STRN3: variants seen among roughly 807,000 people sequenced by gnomAD.
STRN3 encodes striatin-3.
A neutral mutation model predicts 95.6 loss-of-function variants in STRN3; 29 were observed. The ratio of observed to expected loss-of-function variants is 0.30; its 90% CI spans 0.23 to 0.41. The LOEUF (loss-of-function observed/expected upper bound fraction) is 0.41, where lower values mean the gene tolerates loss of function less well. STRN3 is among the 10% of genes least tolerant of loss of function. The pLI, the probability that STRN3 is intolerant of heterozygous loss-of-function variation, is 1.00. For missense variants in STRN3, 890 were observed against 972.1 expected, an observed-to-expected ratio of 0.92 and a Z score of 1.12; for synonymous variants, 331 against 357.6, an observed-to-expected ratio of 0.93 and a Z score of 0.84.
chr14:30,950,843 G>GA lies in STRN3; in HGVS notation c.542+19dup, dbSNP rs759335884. ...CATACCTAGATCCTTAAAGAAGGTT[G>GA]AAAATAAGTAATTACTCACTGTCTT... is the stretch of plus-strand genomic sequence containing the variant. On this transcript the variant is annotated intron_variant, in intron 4 of 17. Transcript: ENST00000357479. 5 of 1,608,532 alleles carry GA rather than the reference G, an allele frequency of 3.1e-6. No individual in the cohort carries two copies. The highest frequency in any genetic ancestry group is 4.3e-6 in the Non-Finnish European group (5 of 1,176,274).
intron 1 of STRN3, among the ~76,000 whole-genome samples, chr14:31,021,296 A>T (rs1345400104): frequency 2.0e-5 from 3 of 152,232 alleles, no homozygotes; most frequent in Non-Finnish European, 4.4e-5. Flanking sequence ...CTCTACAGGC[A>T]GTCTAAGTTT....
chr14:30,904,961 TAAAA>T (rs374512182), intron 15 of STRN3, among the ~76,000 whole-genome samples: 1 of 126,058 alleles, frequency 7.9e-6, no homozygotes. Flanking sequence ...TTTCGTCAAT[TAAAA>T]AAAAAAAAAA....
chr14:30,931,023 T>G (rs1878510063), intron 7 of STRN3, among the ~76,000 whole-genome samples: 1 of 152,084 alleles, frequency 6.6e-6, no homozygotes, highest in Non-Finnish European at 1.5e-5. Flanking sequence ...AAAAGACCTG[T>G]GTAGAGAGAA....
chr14:31,026,140 C>T lies in STRN3; in HGVS notation c.46G>A (p.Ala16Thr), dbSNP rs2281563. 172,061 of 1,491,082 alleles carry T rather than the reference C, an allele frequency of 0.12. 11,128 individuals are homozygous for T. The highest frequency in any genetic ancestry group is 0.24 in the East Asian group (8,391 of 35,284). 92.4% of individuals were successfully genotyped at this position (1,491,082 alleles called of 1,614,324 possible). A position where few individuals can be genotyped will look rare whatever the true frequency, so the allele number is the denominator to read the frequency against. Residue 16 changes from alanine to threonine, a missense_variant, in exon 1 of 18, where the codon GCC (alanine) becomes ACC (threonine). Ala to Thr is a moderately conservative substitution (Grantham distance 58). Transcript: ENST00000357479. Reference sequence around the variant, plus strand: ...GGTCCCTGCTGCTGCCGGGGAGGGGCCGCCATCCCCGGGCCGCCACCACCG... The same window carrying T: ...GGTCCCTGCTGCTGCCGGGGAGGGGTCGCCATCCCCGGGCCGCCACCACCG... ...GGGGGGPGMAAPPRQQQGPGG... is the reference protein window; with the variant it reads ...GGGGGGPGMATPPRQQQGPGG...
chr14:30,985,729 G>A (rs1047288081), intron 1 of STRN3, among the ~76,000 whole-genome samples: 1 of 152,024 alleles, frequency 6.6e-6, no homozygotes, highest in Non-Finnish European at 1.5e-5. Flanking sequence ...ATCCATGTTT[G>A]ACTTATGTTT....
chr14:30,988,495 C>T (rs770457913), intron 1 of STRN3, among the ~76,000 whole-genome samples: 3 of 152,064 alleles, frequency 2.0e-5, no homozygotes, highest in Non-Finnish European at 4.4e-5. Flanking sequence ...CTGAGCCCAA[C>T]TACAACAAAA....
intron 1 of STRN3, among the ~76,000 whole-genome samples, chr14:30,990,716 C>T (rs1383681335): frequency 4.6e-5 from 7 of 152,088 alleles, no homozygotes. Flanking sequence ...ATGCTCAAGC[C>T]CTTTATATAA....
At chr14:30,980,174 G>A (rs897654877) in intron 1 of STRN3, among the ~76,000 whole-genome samples, 7 of 151,942 alleles carry the variant, frequency 4.6e-5, no homozygotes, top group Non-Finnish European at 1.0e-4. Flanking sequence ...GAGCCCAAGA[G>A]GCGGAGGCTG....
At chr14:30,919,600 C>T (rs1315550263) in intron 8 of STRN3, among the ~76,000 whole-genome samples, 1 of 152,038 alleles carries the variant, frequency 6.6e-6, no homozygotes, top group Non-Finnish European at 1.5e-5. Flanking sequence ...TTAACTTTAC[C>T]TGGTGTTTCC....
At chr14:30,931,402 A>G (rs1056522101) in intron 7 of STRN3, among the ~76,000 whole-genome samples, 1 of 152,214 alleles carries the variant, frequency 6.6e-6, no homozygotes, top group Non-Finnish European at 1.5e-5. Context: ...AAAAGAAAAC[A>G]CAAATATGCG....
chr14:30,926,171 T>C (rs911048447), intron 8 of STRN3, among the ~76,000 whole-genome samples: 1 of 152,118 alleles, frequency 6.6e-6, no homozygotes, highest in East Asian at 1.9e-4. Flanking sequence ...AAAAGAAACA[T>C]AATTTATTTC....
At chr14:31,025,473 G>C in intron 1 of STRN3, 1 of 170,474 alleles carries the variant, frequency 5.9e-6, no homozygotes, top group South Asian at 1.1e-4. Context: ...TCCGGAAAAG[G>C]GGGGTAAGAT....
intron 9 of STRN3, among the ~76,000 whole-genome samples, chr14:30,917,847 A>G (rs999647249): frequency 6.6e-6 from 1 of 152,208 alleles, no homozygotes; most frequent in Admixed American, 6.5e-5. Flanking sequence ...TGACTGGGAC[A>G]TCAAACAAAT....
intron 6 of STRN3, among the ~76,000 whole-genome samples, 183 bp from the exon 7 acceptor site, chr14:30,935,487 C>T (rs1352988524): frequency 6.6e-6 from 1 of 152,110 alleles, no homozygotes; most frequent in Non-Finnish European, 1.5e-5. Flanking sequence ...CAGTGCTGTG[C>T]CAAGATTGAT....
intron 8 of STRN3, among the ~76,000 whole-genome samples, chr14:30,925,084 A>G (rs555636573): frequency 6.6e-6 from 1 of 152,324 alleles, no homozygotes; most frequent in African/African-American, 2.4e-5. Context: ...CTTAGTTTCA[A>G]GGTACTGACT....
At chr14:31,003,098 T>C (rs1046025068) in intron 1 of STRN3, among the ~76,000 whole-genome samples, 3 of 151,112 alleles carry the variant, frequency 2.0e-5, no homozygotes, top group Non-Finnish European at 4.4e-5. Flanking sequence ...CCCGTCTCTA[T>C]CAAAAATACA....
chr14:30,895,841 A>C, intron 16 of STRN3, 93 bp from the exon 17 acceptor site: 1 of 1,085,000 alleles, frequency 9.2e-7, no homozygotes, highest in Non-Finnish European at 1.3e-6. Context: ...TAAAACAATC[A>C]TTATAGCAAC....
At chr14:30,954,847 C>T (rs1879823944) in intron 3 of STRN3, among the ~76,000 whole-genome samples, 1 of 151,746 alleles carries the variant, frequency 6.6e-6, no homozygotes, top group South Asian at 2.1e-4. Flanking sequence ...ACAGACCAAG[C>T]CCTACAGTTC....
Position 30,895,585 on chromosome 14 carries a change from A to G in STRN3, c.2225-5T>C. 2 of 1,610,716 alleles carry G rather than the reference A, an allele frequency of 1.2e-6. No homozygotes were observed. Among genetic ancestry groups the G allele is most frequent in the Non-Finnish European group, 1.7e-6 (2 of 1,178,018 alleles). On this transcript the variant is annotated splice_region_variant and splice_polypyrimidine_tract_variant and intron_variant, in intron 17 of 17. Transcript: ENST00000357479. ...ATCTGATGGAACAGTCATGGCCTGT[A>G]AAAGAACAAATAAAATTTGTTACTG...
Sources: allele counts gnomAD v4.1 joint callset (sites outside exome capture counted in the v4.1 genomes callset), GRCh38; gene constraint gnomAD v4.1.1; transcripts MANE v1.5; gene names NCBI Gene and HGNC (gene_info 2026-07-23, HGNC 2026-07-21).